Variants in LSG1 observed in about 807,000 individuals in gnomAD.
LSG1 encodes large subunit GTPase 1 homolog.
LSG1 carries 55 observed loss-of-function variants against 82.6 expected under a neutral mutation model. The ratio of observed to expected loss-of-function variants is 0.67; its 90% CI spans 0.54 to 0.83. The LOEUF is 0.83. Among genes scored for constraint, LSG1 ranks in the 40% least tolerant of loss-of-function variants. LSG1 has a pLI of 0.00. For synonymous variants in LSG1, 272 were observed against 282.5 expected, an observed-to-expected ratio of 0.96 and a Z score of 0.37; for missense variants, 809 against 807.9, an observed-to-expected ratio of 1.00 and a Z score of -0.02.
chr3:194,664,792 C>CAT (rs1718998749), intron 5 of LSG1, among the ~76,000 whole-genome samples: 3 of 151,154 alleles, frequency 2.0e-5, no homozygotes, highest in Non-Finnish European at 4.4e-5. Flanking sequence ...TGGTGGTGTG[C>CAT]GCCTGTAATC....
At chr3:194,669,922 C>T in intron 2 of LSG1, 87 bp downstream of exon 2, 1 of 1,477,176 alleles carries the variant, frequency 6.8e-7, no homozygotes, top group Non-Finnish European at 9.2e-7. Context: ...CAGAGCGAGA[C>T]TCCATCTCAA....
intron 5 of LSG1, among the ~76,000 whole-genome samples, chr3:194,665,310 T>C (rs1050286361): frequency 6.6e-6 from 1 of 152,230 alleles, no homozygotes; most frequent in African/African-American, 2.4e-5. Flanking sequence ...AAAATATCTA[T>C]ATAGGTGCTT....
intron 8 of LSG1, among the ~76,000 whole-genome samples, chr3:194,652,158 A>G: frequency 6.6e-6 from 1 of 152,200 alleles, no homozygotes. Context: ...TTAGCTAAGG[A>G]TGGGGCCATC....
rs1719116072 is a variant in LSG1, at chr3:194,670,157, T to C, written c.100-22A>G. On this transcript the variant is annotated intron_variant, in intron 1 of 13. Transcript: ENST00000265245. ...GCAACTATGAAAAAACACAGGGTGA[T>C]AAATACAGCTGCTCTCTTCTGCTCT... The C allele has an allele frequency of 1.9e-6, 3 of 1,612,098 alleles. No homozygotes were observed. The East Asian group carries it at 6.7e-5, about 36-fold the overall frequency.
intron 5 of LSG1, chr3:194,660,815 A>G: frequency 2.2e-6 from 1 of 455,976 alleles, no homozygotes; most frequent in East Asian, 7.0e-5. Flanking sequence ...CAGCAATAAG[A>G]TAACTTTCTG....
intron 7 of LSG1, among the ~76,000 whole-genome samples, chr3:194,657,651 G>A (rs1718824664): frequency 6.6e-6 from 1 of 152,108 alleles, no homozygotes; most frequent in African/African-American, 2.4e-5. Context: ...TCAATTAGGT[G>A]TGGCTAGTTT....
chr3:194,666,518 A>C lies in LSG1; in HGVS notation c.281T>G (p.Phe94Cys). ...CTTCTTAATTCTCTGGCTCTCCTCGAAAGACAGTAGTCCAGTTCTAGCCTC... is the reference window on the plus strand; with the variant it reads ...CTTCTTAATTCTCTGGCTCTCCTCGCAAGACAGTAGTCCAGTTCTAGCCTC... ...PAEARTGLLS[F>C]EESQRIKKLH... Residue 94 changes from phenylalanine (F) to cysteine (C), a missense_variant, in exon 3 of 14, where the codon TTC becomes TGC. Phe to Cys is a radical substitution (Grantham distance 205). Transcript: ENST00000265245. 6.2e-7 allele frequency: 1 copy of C among 1,614,010 alleles called. No individual in the cohort carries two copies. Among genetic ancestry groups the C allele is most frequent in the South Asian group, 1.1e-5 (1 of 91,078 alleles).
chr3:194,644,422 A>G, intron 13 of LSG1, 151 bp downstream of exon 13: 1 of 259,716 alleles, frequency 3.9e-6, no homozygotes, highest in Non-Finnish European at 7.0e-6. Flanking sequence ...AAATAAATAA[A>G]TAAGGTTTCT....
rs1299041248 is a variant in LSG1 at position 194,659,045 on chromosome 3, G to A, written c.671C>T (p.Ala224Val). The change falls in exon 7 of 14, where the codon GCC (alanine) becomes GTC (valine). Residue 224 changes from alanine (A) to valine (V), a missense_variant. Coordinates refer to ENST00000265245, the MANE Select transcript of LSG1 (RefSeq NM_018385.3). ...TTCTTTTTCGAAGTACATGGCCCAG[G>A]CACTCCGCTGCTCAGCAGTCAGCAA... ...ADLLTAEQRS[A>V]WAMYFEKEDV... is the part of the protein sequence containing the mutation. The A allele has an allele frequency of 9.3e-6, 15 of 1,614,176 alleles. No individual in the cohort carries two copies. The highest frequency in any genetic ancestry group is 1.3e-5 in the Non-Finnish European group (15 of 1,180,020).
In LSG1 at chr3:194,653,060, C is replaced by A; in HGVS notation, c.842G>T (p.Ser281Ile). 1 of 1,614,198 alleles carries A rather than the reference C, an allele frequency of 6.2e-7. No homozygotes were observed. Residue 281 changes from serine to isoleucine, a missense_variant, in exon 8 of 14, where the codon AGT becomes ATT. Physicochemically the swap from Ser to Ile is moderately radical, Grantham distance 142. Transcript: ENST00000265245. ...SSFDQAEISHSESEHLPARDS... is the reference protein window; with the variant it reads ...SSFDQAEISHIESEHLPARDS... The stretch of plus-strand genomic sequence containing the variant: ...CCTAGCTGGGAGATGTTCGGATTCA[C>A]TGTGGGAAATTTCAGCCTGGTCGAA...
intron 7 of LSG1, among the ~76,000 whole-genome samples, chr3:194,654,392 G>C (rs1456490417): frequency 3.3e-5 from 5 of 152,208 alleles, no homozygotes; most frequent in African/African-American, 1.2e-4. Flanking sequence ...TCATTTCCAA[G>C]TAGCTTTGTT....
At chr3:194,651,053 G>A (rs1265338834) in intron 9 of LSG1, 29 bp from the exon 10 acceptor site, 1 of 1,613,858 alleles carries the variant, frequency 6.2e-7, no homozygotes, top group East Asian at 2.2e-5. Flanking sequence ...GTTTGAGCTG[G>A]GTATACAACA....
chr3:194,664,173 G>A (rs1718986326), intron 5 of LSG1, among the ~76,000 whole-genome samples: 1 of 152,074 alleles, frequency 6.6e-6, no homozygotes, highest in Non-Finnish European at 1.5e-5. Context: ...GGCTGGTATC[G>A]AACTGCTGAC....
At chr3:194,643,794 C>CCA (rs1718449215) in intron 13 of LSG1, among the ~76,000 whole-genome samples, 1 of 152,112 alleles carries the variant, frequency 6.6e-6, no homozygotes, top group Admixed American at 6.5e-5. Flanking sequence ...TGGAAACAAC[C>CCA]CAAACGTCCC....
chr3:194,666,369 G>A (rs1378954817), intron 3 of LSG1, 80 bp from the exon 4 acceptor site: 8 of 1,596,578 alleles, frequency 5.0e-6, no homozygotes, highest in Non-Finnish European at 6.8e-6. Flanking sequence ...AATAATGGCA[G>A]CTGAGAAAAA....
rs779670355 is a variant in LSG1, at chr3:194,644,596, CGAT to C, written c.1771_1773del (p.Ile591del). ...ACTTGATGGAAAAAAGTTTTGTCAA[CGAT>C]ATTTTCAATCTGCTTTGCTTTTTTA... On this transcript the variant is annotated inframe_deletion, in exon 13 of 14. Transcript: ENST00000265245. The C allele has an allele frequency of 4.3e-6, 7 of 1,610,514 alleles. No homozygotes were observed. The East Asian group carries it at 1.6e-4, about 36-fold the overall frequency.
At chr3:194,648,592 C>T (rs1032014571) in intron 11 of LSG1, 89 bp downstream of exon 11, 7 of 1,333,058 alleles carry the variant, frequency 5.3e-6, no homozygotes, top group Admixed American at 2.1e-5. Context: ...CTTTGCAGAA[C>T]AGCAATTCTA....
At position 194,650,932 on chromosome 3, in the gene LSG1, G is replaced by A. The variant is rs530741929; in HGVS notation, c.1368C>T (p.Ser456=). ...FVSTKAEMTC[S]GILPIDQMRD... is the part of the protein sequence containing the mutation. ...TCATCTGATCAATTGGGAGGATTCC[G>A]CTGCAAGTCATTTCTGCCTTGGTAG... The change falls in exon 10 of 14, where the codon AGC becomes AGT. Residue 456 remains serine (S), a synonymous_variant. Transcript: ENST00000265245. 1.5e-5 allele frequency: 24 copies of A among 1,614,122 alleles called. No homozygotes were observed. In the East Asian group the frequency reaches 1.6e-4, roughly 10 times the overall value.
At chr3:194,661,095 G>C (rs1362069822) in intron 5 of LSG1, among the ~76,000 whole-genome samples, 1 of 152,168 alleles carries the variant, frequency 6.6e-6, no homozygotes, top group African/African-American at 2.4e-5. Flanking sequence ...AAATTCCAAG[G>C]AATTAAGGTT....
Sources: allele counts gnomAD v4.1 joint callset (sites outside exome capture counted in the v4.1 genomes callset), GRCh38; gene constraint gnomAD v4.1.1; transcripts MANE v1.5; gene names NCBI Gene and HGNC (gene_info 2026-07-23, HGNC 2026-07-21).